The following FAM184A variants were observed in gnomAD, a reference collection of about 807,000 sequenced individuals.
FAM184A encodes the protein family with sequence similarity 184 member A.
A neutral mutation model predicts 143.8 loss-of-function variants in FAM184A; 99 were observed. The ratio of observed to expected loss-of-function variants is 0.69; its 90% CI spans 0.58 to 0.81. The LOEUF (loss-of-function observed/expected upper bound fraction) is 0.81, where lower values mean the gene tolerates loss of function less well. Ranked by LOEUF, FAM184A falls within the 40% of genes least tolerant of loss-of-function variation. The pLI, the probability that FAM184A is intolerant of heterozygous loss-of-function variation, is 0.00. For missense variants in FAM184A, 1,217 were observed against 1,310.5 expected (o/e 0.93, Z 1.10); for synonymous variants, 427 against 446.4 (o/e 0.96, Z 0.55).
At chr6:119,019,012 G>A (rs1376548302) in intron 4 of FAM184A, among the ~76,000 whole-genome samples, 1 of 152,098 alleles carries the variant, frequency 6.6e-6, no homozygotes, top group Non-Finnish European at 1.5e-5. Context: ...ATATCTAGTG[G>A]AAAGGATAAA....
chr6:119,108,107 A>C (rs756063340), intron 1 of FAM184A, among the ~76,000 whole-genome samples: 11 of 112,710 alleles, frequency 9.8e-5, no homozygotes, highest in Non-Finnish European at 1.6e-4. Context: ...CCCAAATTTG[A>C]AAGTTTGAGA....
chr6:119,003,818 GTTC>G (rs1319837116), intron 7 of FAM184A, among the ~76,000 whole-genome samples, 196 bp from the exon 8 acceptor site: 1 of 152,020 alleles, frequency 6.6e-6, no homozygotes, highest in Non-Finnish European at 1.5e-5. Flanking sequence ...TATTTTACAT[GTTC>G]TTGTCTAAAC....
chr6:119,063,289 CTG>C (rs778717745), intron 1 of FAM184A, among the ~76,000 whole-genome samples: 32 of 152,274 alleles, frequency 2.1e-4, no homozygotes, highest in African/African-American at 6.7e-4. Context: ...TGTTAAATAT[CTG>C]TGTTTTTCTA....
intron 1 of FAM184A, chr6:119,069,048 A>G: frequency 2.6e-6 from 1 of 387,260 alleles, no homozygotes; most frequent in Non-Finnish European, 5.5e-6. Context: ...ATATATGTGA[A>G]GTATTAGGTT....
intron 5 of FAM184A, among the ~76,000 whole-genome samples, chr6:119,014,291 G>A (rs1785173432): frequency 6.6e-6 from 1 of 152,208 alleles, no homozygotes; most frequent in African/African-American, 2.4e-5. Flanking sequence ...AATCCTCGAA[G>A]GAACATTTTA....
At chr6:119,008,305 T>C (rs1339508734) in intron 6 of FAM184A, among the ~76,000 whole-genome samples, 1 of 152,188 alleles carries the variant, frequency 6.6e-6, no homozygotes, top group East Asian at 1.9e-4. Flanking sequence ...GGTCATCTCA[T>C]TTTGTTTGTA....
intron 1 of FAM184A, among the ~76,000 whole-genome samples, chr6:119,038,378 G>A (rs534683289): frequency 6.6e-6 from 1 of 152,182 alleles, no homozygotes; most frequent in Non-Finnish European, 1.5e-5. Context: ...GGCATTCTAA[G>A]TCACAGGATG....
At chr6:119,106,876 G>A (rs9489592) in intron 1 of FAM184A, among the ~76,000 whole-genome samples, 43,386 of 152,014 alleles carry the variant, frequency 0.29, 6,619 homozygotes, top group African/African-American at 0.33. Flanking sequence ...GGTAAGTTAC[G>A]GTGAATGGGA....
intron 1 of FAM184A, among the ~76,000 whole-genome samples, chr6:119,040,770 G>C (rs1208791436): frequency 6.6e-6 from 1 of 152,048 alleles, no homozygotes; most frequent in African/African-American, 2.4e-5. Flanking sequence ...AAAGCTGCTT[G>C]TCCACCTGCA....
chr6:119,081,333 C>T (rs190202795), upstream of FAM184A, among the ~76,000 whole-genome samples: 38 of 152,320 alleles, frequency 2.5e-4, no homozygotes, highest in Non-Finnish European at 3.4e-4. Context: ...TTGTCCCCTT[C>T]GCAGGGCGTG....
intron 1 of FAM184A, chr6:119,069,069 C>T: frequency 2.7e-6 from 1 of 370,162 alleles, no homozygotes; most frequent in Non-Finnish European, 5.9e-6. Flanking sequence ...GGCACAAAAG[C>T]AACTGAGGTT....
intron 9 of FAM184A, among the ~76,000 whole-genome samples, chr6:118,982,282 C>A (rs1452501510): frequency 1.3e-5 from 2 of 152,170 alleles, no homozygotes; most frequent in Non-Finnish European, 1.5e-5. Flanking sequence ...CTCTTCCCAG[C>A]AAGTTGGTTC....
At chr6:119,085,325 A>G (rs964279091) in intron 1 of FAM184A, among the ~76,000 whole-genome samples, 1 of 152,138 alleles carries the variant, frequency 6.6e-6, no homozygotes. Context: ...AGATACCCTA[A>G]ATCATCACTC....
At chr6:119,104,934 A>T (rs1173946289) in intron 1 of FAM184A, among the ~76,000 whole-genome samples, 1 of 152,162 alleles carries the variant, frequency 6.6e-6, no homozygotes, top group Non-Finnish European at 1.5e-5. Flanking sequence ...CACTATCAAA[A>T]CCCCTAAGTC....
At chr6:118,962,038 G>C in intron 16 of FAM184A, 75 bp from the exon 17 acceptor site, 1 of 1,475,524 alleles carries the variant, frequency 6.8e-7, no homozygotes, top group Non-Finnish European at 9.4e-7. Context: ...GTAGAAGATA[G>C]AAATTTGGCA....
chr6:118,998,067 C>A (rs747387899), intron 9 of FAM184A, among the ~76,000 whole-genome samples: 21 of 152,138 alleles, frequency 1.4e-4, no homozygotes, highest in Admixed American at 4.6e-4. Context: ...AAAATCAATA[C>A]ATCTAAGAGA....
At chr6:118,990,985 C>T (rs2114610480) in intron 9 of FAM184A, among the ~76,000 whole-genome samples, 1 of 151,846 alleles carries the variant, frequency 6.6e-6, no homozygotes, top group African/African-American at 2.4e-5. Context: ...GATGTATCAA[C>T]TTATTCAACT....
intron 1 of FAM184A, among the ~76,000 whole-genome samples, chr6:119,145,704 A>G (rs1205660630): frequency 1.3e-5 from 2 of 152,198 alleles, no homozygotes; most frequent in Non-Finnish European, 2.9e-5. Flanking sequence ...TTGAGGACCA[A>G]CTATTAGGAA....
At chr6:118,993,608 A>T (rs142247292) in intron 9 of FAM184A, among the ~76,000 whole-genome samples, 121 of 152,356 alleles carry the variant, frequency 7.9e-4, no homozygotes, top group African/African-American at 2.8e-3. Context: ...TCAAAAACTT[A>T]ATGAATGATA....
Sources: allele counts gnomAD v4.1 joint callset (sites outside exome capture counted in the v4.1 genomes callset), GRCh38; gene constraint gnomAD v4.1.1; transcripts MANE v1.5; gene names NCBI Gene and HGNC (gene_info 2026-07-23, HGNC 2026-07-21).